Variants in NREP observed in about 807,000 individuals in gnomAD.
NREP encodes the protein neuronal regeneration related protein, also known as neuronal regeneration-related protein.
Under a neutral mutation model 8.6 loss-of-function variants are expected in NREP, and 5 were observed. The observed-to-expected ratio is 0.58, with a 90% confidence interval of 0.30 to 1.22. The LOEUF (loss-of-function observed/expected upper bound fraction) is 1.22, where lower values mean the gene tolerates loss of function less well. Among genes scored for constraint, NREP ranks in the 50% most tolerant of loss-of-function variants. The probability of loss-of-function intolerance (pLI) is 0.07; values close to 1 mark genes in which losing one functional copy is unlikely to be tolerated. For missense variants in NREP, 86 were observed against 82.5 expected (o/e 1.04, Z -0.17); for synonymous variants, 27 against 28.0 (o/e 0.96, Z 0.11).
At position 111,888,870 on chromosome 5, in the gene NREP, G is replaced by A. The variant is rs1422941686; in HGVS notation, c.135+86404C>T. Among the ~76,000 whole-genome samples, 4 of 152,166 alleles carry A rather than the reference G, an allele frequency of 2.6e-5. No individual in the cohort carries two copies. The East Asian group carries it at 7.7e-4, about 29-fold the overall frequency. ...AGACCTCATTGAAATAAGAACATAG[G>A]AGTACAAAATGAGCAAATATGTAAC... On this transcript the variant is annotated intron_variant, in intron 2 of 3. Transcript: ENST00000395634.
chr5:111,944,591 G>C (rs1298189069), intron 2 of NREP, among the ~76,000 whole-genome samples: 1 of 152,162 alleles, frequency 6.6e-6, no homozygotes, highest in Non-Finnish European at 1.5e-5. Context: ...ACAGGCATGG[G>C]CCATGACAAC....
chr5:111,941,828 C>T (rs1755837717), intron 2 of NREP, among the ~76,000 whole-genome samples: 1 of 152,058 alleles, frequency 6.6e-6, no homozygotes, highest in Non-Finnish European at 1.5e-5. Context: ...GAATGTAAAT[C>T]TACATTCTGT....
intron 2 of NREP, among the ~76,000 whole-genome samples, chr5:111,951,976 A>T (rs1356041563): frequency 6.6e-6 from 1 of 152,048 alleles, no homozygotes; most frequent in Admixed American, 6.6e-5. Flanking sequence ...CTCTTTTCCA[A>T]ACCCTATATC....
At chr5:111,744,187 A>G (rs899876724) in intron 2 of NREP, among the ~76,000 whole-genome samples, 1 of 152,128 alleles carries the variant, frequency 6.6e-6, no homozygotes, top group African/African-American at 2.4e-5. Context: ...CTTTCCATCA[A>G]TGTATCCTCT....
intron 2 of NREP, among the ~76,000 whole-genome samples, chr5:111,884,988 G>C (rs995628191): frequency 6.6e-6 from 1 of 152,276 alleles, no homozygotes; most frequent in East Asian, 1.9e-4. Flanking sequence ...AATTAGGCAG[G>C]AGAAGGAAAT....
chr5:111,884,528 G>C (rs2112521844), intron 2 of NREP, among the ~76,000 whole-genome samples: 1 of 152,160 alleles, frequency 6.6e-6, no homozygotes, highest in South Asian at 2.1e-4. Flanking sequence ...CCAAAGAAGA[G>C]AATTTTAGAT....
chr5:111,887,990 C>G (rs942282787), intron 2 of NREP, among the ~76,000 whole-genome samples: 1 of 152,096 alleles, frequency 6.6e-6, no homozygotes, highest in East Asian at 1.9e-4. Flanking sequence ...AAATGAATTA[C>G]TAAAATGATT....
rs149091340 is a variant in NREP at position 111,833,442 on chromosome 5, TCTC to T, written c.136-97938_136-97936del. ...GAATGACAGAATCATTCTAGACTTTTCTCCTTGCAGACCGAGGTAAAATCTGTT... is the reference window on the plus strand; with the variant it reads ...GAATGACAGAATCATTCTAGACTTTTCTTGCAGACCGAGGTAAAATCTGTT... On this transcript the variant is annotated intron_variant, in intron 2 of 3. Transcript: ENST00000395634. 2.6e-3 allele frequency among the ~76,000 whole-genome samples: 400 copies of T among 152,364 alleles called. 7 individuals carry two copies. The East Asian group carries it at 0.049, about 19-fold the overall frequency.
chr5:111,866,712 A>G (rs900758337), intron 2 of NREP, among the ~76,000 whole-genome samples: 11 of 152,284 alleles, frequency 7.2e-5, no homozygotes, highest in South Asian at 4.1e-4. Context: ...TTATTGCGGC[A>G]CTATTCACAA....
chr5:111,920,518 C>A (rs942845590), intron 2 of NREP, among the ~76,000 whole-genome samples: 6 of 152,044 alleles, frequency 3.9e-5, no homozygotes, highest in African/African-American at 1.4e-4. Flanking sequence ...AGGACACAGA[C>A]ACTCCAAAGA....
intron 2 of NREP, chr5:111,846,287 G>T (rs1753161521): frequency 6.4e-6 from 1 of 156,216 alleles, no homozygotes. Context: ...ATATTAACTA[G>T]ACTTGGCTTC....
intron 2 of NREP, among the ~76,000 whole-genome samples, chr5:111,897,340 C>A (rs10072425): frequency 0.6 from 91,551 of 151,976 alleles, 28,014 homozygotes; most frequent in Non-Finnish European, 0.65. Context: ...AAAGAATAGA[C>A]AACACTGTGC....
chr5:111,952,302 A>G (rs1297370958), intron 2 of NREP, among the ~76,000 whole-genome samples: 1 of 152,122 alleles, frequency 6.6e-6, no homozygotes, highest in African/African-American at 2.4e-5. Context: ...GAATACAGTC[A>G]AAGAAATAAG....
intron 2 of NREP, among the ~76,000 whole-genome samples, chr5:111,835,362 A>G (rs999304676): frequency 1.3e-5 from 2 of 152,124 alleles, no homozygotes; most frequent in African/African-American, 4.8e-5. Flanking sequence ...TAGTATTAAT[A>G]AGACCTTATA....
chr5:111,826,232 T>A (rs1752621957), intron 2 of NREP, among the ~76,000 whole-genome samples: 1 of 152,074 alleles, frequency 6.6e-6, no homozygotes, highest in Admixed American at 6.5e-5. Context: ...AAACGACCAA[T>A]CAGCAGTCTG....
At chr5:111,876,848 C>G (rs1753921844) in intron 2 of NREP, among the ~76,000 whole-genome samples, 1 of 152,142 alleles carries the variant, frequency 6.6e-6, no homozygotes, top group Non-Finnish European at 1.5e-5. Flanking sequence ...GAAATTATTA[C>G]TAAATCTATT....
chr5:111,837,956 A>G (rs960567412), intron 2 of NREP, among the ~76,000 whole-genome samples: 4 of 152,066 alleles, frequency 2.6e-5, no homozygotes, highest in Admixed American at 1.3e-4. Context: ...CACCATCTAC[A>G]ATGCAATTTT....
chr5:111,909,916 C>T (rs1434281040), intron 2 of NREP, among the ~76,000 whole-genome samples: 3 of 152,016 alleles, frequency 2.0e-5, no homozygotes, highest in Non-Finnish European at 4.4e-5. Context: ...CTATTAAATG[C>T]TTCTTTCATG....
chr5:111,940,467 G>A (rs573443736), intron 2 of NREP, among the ~76,000 whole-genome samples: 7 of 152,136 alleles, frequency 4.6e-5, no homozygotes, highest in African/African-American at 1.4e-4. Context: ...TGTCTGCCAT[G>A]TTCCAGGTCC....
Sources: gnomAD v4.1 joint callset for allele counts (sites outside exome capture counted in the v4.1 genomes callset) on GRCh38, gnomAD v4.1.1 for gene constraint, MANE v1.5 for transcripts, NCBI Gene and HGNC (gene_info 2026-07-23, HGNC 2026-07-21) for gene names.